DMD: variants seen among roughly 807,000 people sequenced by gnomAD.
DMD encodes the protein mutant dystrophin.
Under a neutral mutation model 330.1 loss-of-function variants are expected in DMD, and 63 were observed. That is an observed-to-expected ratio of 0.19 (90% CI 0.16 to 0.24). DMD has a LOEUF of 0.24. Among genes scored for constraint, DMD ranks in the 10% least tolerant of loss-of-function variants. The probability of loss-of-function intolerance (pLI) is 1.00; values close to 1 mark genes in which losing one functional copy is unlikely to be tolerated. For missense variants in DMD, 3,344 were observed against 2,684.1 expected (o/e 1.25, Z -5.43); for synonymous variants, 1,223 against 959.8 (o/e 1.27, Z -5.07).
chrX:32,677,675 G>A (rs1209065344), intron 9 of DMD, among the ~76,000 whole-genome samples: 2 of 111,168 alleles, frequency 1.8e-5, no homozygotes, highest in Non-Finnish European at 3.8e-5. Flanking sequence ...ATATTTACAT[G>A]TTTACTTTGT....
At chrX:31,887,255 C>T (rs2094167953) in intron 47 of DMD, among the ~76,000 whole-genome samples, 1 of 112,226 alleles carries the variant, frequency 8.9e-6, no homozygotes, top group East Asian at 2.8e-4. Flanking sequence ...ACTACAATTT[C>T]TTCATAACTT....
intron 19 of DMD, among the ~76,000 whole-genome samples, chrX:32,493,887 C>A (rs1034468313): frequency 2.7e-5 from 3 of 110,660 alleles, no homozygotes; most frequent in Non-Finnish European, 5.7e-5. Context: ...TCAACATGAA[C>A]CAGGTATTAA....
intron 55 of DMD, among the ~76,000 whole-genome samples, chrX:31,511,347 T>TATG (rs1467597828): frequency 9.5e-6 from 1 of 105,413 alleles, no homozygotes; most frequent in East Asian, 2.9e-4. Context: ...TTATTATTAT[T>TATG]ATACTTTAAA....
At chrX:32,214,081 TA>T (rs1340225413) in intron 44 of DMD, among the ~76,000 whole-genome samples, 1 of 111,734 alleles carries the variant, frequency 8.9e-6, no homozygotes, top group African/African-American at 3.3e-5. Context: ...CTGAAAATTT[TA>T]AATTATGATA....
At chrX:32,101,033 C>T (rs1464055820) in intron 44 of DMD, among the ~76,000 whole-genome samples, 3 of 111,933 alleles carry the variant, frequency 2.7e-5, no homozygotes, top group African/African-American at 6.5e-5. Context: ...CAGATACATA[C>T]ACAGCTCATC....
intron 20 of DMD, among the ~76,000 whole-genome samples, chrX:32,486,180 T>A (rs2148594929): frequency 9.0e-6 from 1 of 111,403 alleles, no homozygotes; most frequent in East Asian, 2.8e-4. Context: ...GTACTGTCAC[T>A]AGCTCATGTG....
intron 57 of DMD, among the ~76,000 whole-genome samples, chrX:31,489,230 T>A (rs1423809064): frequency 8.9e-6 from 1 of 112,072 alleles, no homozygotes; most frequent in Non-Finnish European, 1.9e-5. Context: ...AACCTCCGCC[T>A]CCCAAGTTCA....
chrX:31,909,919 A>C (rs1365215385), intron 47 of DMD, among the ~76,000 whole-genome samples: 2 of 112,248 alleles, frequency 1.8e-5, no homozygotes, highest in Admixed American at 1.9e-4. Flanking sequence ...CTATTTTTTG[A>C]ACTCCAGAGA....
intron 4 of DMD, among the ~76,000 whole-genome samples, chrX:32,834,168 G>A (rs756584175): frequency 2.2e-4 from 25 of 111,557 alleles, no homozygotes; most frequent in African/African-American, 8.1e-4. Context: ...ATAAGTTACA[G>A]AGTTAACAAG....
intron 33 of DMD, 80 bp downstream of exon 33, chrX:32,386,230 C>A (rs2097957432): frequency 9.1e-7 from 1 of 1,093,957 alleles, no homozygotes; most frequent in Non-Finnish European, 1.3e-6. Context: ...AGACTCTAAT[C>A]ATACATAATT....
At chrX:31,777,645 C>T (rs1040566935) in intron 50 of DMD, among the ~76,000 whole-genome samples, 1 of 111,191 alleles carries the variant, frequency 9.0e-6, no homozygotes, top group African/African-American at 3.3e-5. Flanking sequence ...ACATTGGAGG[C>T]ATCTTGAGGT....
chrX:32,688,913 A>G (rs2063076716), intron 9 of DMD, among the ~76,000 whole-genome samples: 1 of 110,318 alleles, frequency 9.1e-6, no homozygotes, highest in Admixed American at 9.7e-5. Flanking sequence ...TATCACTTAT[A>G]TGTCAAGAAG....
At chrX:31,203,662 T>A (rs757733168) in intron 67 of DMD, among the ~76,000 whole-genome samples, 1 of 112,380 alleles carries the variant, frequency 8.9e-6, no homozygotes, top group South Asian at 3.7e-4. Context: ...CTTATATACA[T>A]AGGATTTCTG....
At chrX:31,701,724 G>C (rs2083825338) in intron 52 of DMD, among the ~76,000 whole-genome samples, 1 of 112,534 alleles carries the variant, frequency 8.9e-6, no homozygotes, top group African/African-American at 3.2e-5. Flanking sequence ...TTGTGGGAGA[G>C]TGGCTTACAC....
chrX:32,935,205 G>C (rs753315660), intron 2 of DMD, among the ~76,000 whole-genome samples: 11 of 112,674 alleles, frequency 9.8e-5, no homozygotes, highest in East Asian at 5.7e-4. Context: ...GTCTCGATCT[G>C]CTGACCTCAT....
intron 11 of DMD, among the ~76,000 whole-genome samples, chrX:32,614,953 G>A (rs1051987753): frequency 3.6e-5 from 4 of 110,507 alleles, no homozygotes; most frequent in Non-Finnish European, 5.7e-5. Flanking sequence ...AGAACTGGCA[G>A]CATTTGTATT....
At chrX:31,270,121 T>C (rs892241646) in intron 62 of DMD, among the ~76,000 whole-genome samples, 2 of 111,341 alleles carry the variant, frequency 1.8e-5, no homozygotes, top group Non-Finnish European at 3.8e-5. Context: ...CCTACAGCAA[T>C]AGCATTCCAC....
chrX:33,282,104 A>G (rs1173039888), intron 1 of DMD, among the ~76,000 whole-genome samples: 1 of 110,544 alleles, frequency 9.0e-6, no homozygotes, highest in Non-Finnish European at 1.9e-5. Flanking sequence ...TAGCCTTACC[A>G]GTGCTCTGTG....
rs2147774607 is a variant in DMD, at chrX:31,134,147, C to T, written c.10969G>A (p.Glu3657Lys). The T allele has an allele frequency of 1.7e-6, 2 of 1,211,637 alleles. No homozygotes were observed. The highest frequency in any genetic ancestry group is 2.2e-6 in the Non-Finnish European group (2 of 895,435). The change falls in exon 77 of 79, where the codon GAG becomes AAG. Residue 3657 changes from glutamate to lysine, a missense_variant. By Grantham distance (56) the Glu-to-Lys change is moderately conservative. Transcript: ENST00000357033. ...SPPQDTSTGL[E>K]EVMEQLNNSF... is the part of the protein sequence containing the mutation. Reference sequence around the variant, plus strand: ...TTGTTGAGTTGCTCCATCACCTCCTCTAACCCTGTGCTTGTGTCCTGGGGA... The same window carrying T: ...TTGTTGAGTTGCTCCATCACCTCCTTTAACCCTGTGCTTGTGTCCTGGGGA...
Sources: allele counts gnomAD v4.1 joint callset (sites outside exome capture counted in the v4.1 genomes callset), GRCh38; gene constraint gnomAD v4.1.1; transcripts MANE v1.5; gene names NCBI Gene and HGNC (gene_info 2026-07-23, HGNC 2026-07-21).